Variants in DPP6 observed in about 807,000 individuals in gnomAD.
DPP6 encodes the protein dipeptidyl peptidase like 6.
DPP6 carries 69 observed loss-of-function variants against 122.6 expected under a neutral mutation model. The observed-to-expected ratio is 0.56, with a 90% CI of 0.46 to 0.69. DPP6 has a LOEUF of 0.69. Among genes scored for constraint, DPP6 ranks in the 30% least tolerant of loss-of-function variants. The pLI, the probability that DPP6 is intolerant of heterozygous loss-of-function variation, is 0.00. For synonymous variants in DPP6, 418 were observed against 433.1 expected (o/e 0.97, Z 0.43); for missense variants, 928 against 1,116.9 (o/e 0.83, Z 2.41).
intron 7 of DPP6, 150 bp downstream of exon 7, chr7:154,669,591 C>A: frequency 7.8e-7 from 1 of 1,275,222 alleles, no homozygotes; most frequent in Non-Finnish European, 1.1e-6. Flanking sequence ...GAGAGGTACA[C>A]CAGGGTGTCT....
chr7:153,899,661 T>G (rs1298922081), intron 1 of DPP6, among the ~76,000 whole-genome samples: 1 of 152,230 alleles, frequency 6.6e-6, no homozygotes, highest in Admixed American at 6.5e-5. Flanking sequence ...TAATTTGATC[T>G]CTCACTGCTG....
At chr7:153,820,676 G>A in the DPP6 span, among the ~76,000 whole-genome samples, 1 of 152,096 alleles carries the variant, frequency 6.6e-6, no homozygotes, top group Non-Finnish European at 1.5e-5. Flanking sequence ...TGGAATAGCT[G>A]AAGAGCAGCC....
At chr7:154,537,267 TAAGAC>T (rs1828335777) in intron 3 of DPP6, among the ~76,000 whole-genome samples, 1 of 151,974 alleles carries the variant, frequency 6.6e-6, no homozygotes, top group Non-Finnish European at 1.5e-5. Context: ...TTTTATAAAA[TAAGAC>T]AAGAATAGTA....
At chr7:153,920,646 C>T (rs536032948) in intron 1 of DPP6, among the ~76,000 whole-genome samples, 71 of 145,362 alleles carry the variant, frequency 4.9e-4, no homozygotes, top group African/African-American at 1.4e-3. Context: ...CTGCAACCTC[C>T]GCCTCCTGGG....
intron 3 of DPP6, among the ~76,000 whole-genome samples, chr7:154,502,791 A>G (rs920776472): frequency 2.0e-5 from 3 of 152,194 alleles, no homozygotes; most frequent in Non-Finnish European, 4.4e-5. Flanking sequence ...GTTCGTAGGA[A>G]GGCCAGCCTA....
At chr7:154,471,054 C>G (rs1014997027) in intron 2 of DPP6, among the ~76,000 whole-genome samples, 2 of 152,038 alleles carry the variant, frequency 1.3e-5, no homozygotes, top group African/African-American at 4.8e-5. Flanking sequence ...AGTTCGAGAC[C>G]AGCCTGGCCA....
chr7:154,376,589 T>G (rs751437810), intron 1 of DPP6, among the ~76,000 whole-genome samples: 2 of 152,248 alleles, frequency 1.3e-5, no homozygotes, highest in African/African-American at 2.4e-5. Context: ...GAAACACATT[T>G]GTGTCCTAGA....
chr7:154,300,337 G>T (rs2150978880), intron 1 of DPP6, among the ~76,000 whole-genome samples: 1 of 152,298 alleles, frequency 6.6e-6, no homozygotes, highest in South Asian at 2.1e-4. Context: ...CAAAATGGAG[G>T]TGCTTTCACT....
intron 8 of DPP6, among the ~76,000 whole-genome samples, chr7:154,746,019 T>C (rs188174865): frequency 3.1e-4 from 47 of 152,222 alleles, no homozygotes; most frequent in African/African-American, 1.1e-3. Context: ...AGGGTGTTGA[T>C]TGGTTATGAA....
Position 153,935,520 on chromosome 7 carries a change from G to A in DPP6, c.51+47786G>A, listed in dbSNP as rs181805807. The stretch of plus-strand genomic sequence containing the variant: ...TGGTCTCCCTGCCGTCCGAGGCCCC[G>A]TTGGCCCCTCTCGATTATGATCCAG... On this transcript the variant is annotated intron_variant, in intron 1 of 25. Transcript: ENST00000404039. Among the ~76,000 whole-genome samples the A allele has an allele frequency of 6.6e-3, 1,012 of 152,268 alleles. 6 individuals are homozygous for A. Among genetic ancestry groups the A allele is most frequent in the Non-Finnish European group, 0.011 (778 of 68,014 alleles).
At chr7:154,764,039 C>G (rs1034333525) in intron 8 of DPP6, among the ~76,000 whole-genome samples, 2 of 152,178 alleles carry the variant, frequency 1.3e-5, no homozygotes, top group African/African-American at 4.8e-5. Context: ...TGTGGGCGCT[C>G]TTCACCTCTA....
intron 1 of DPP6, among the ~76,000 whole-genome samples, chr7:154,388,262 G>A (rs774853183): frequency 2.0e-5 from 3 of 152,162 alleles, no homozygotes; most frequent in African/African-American, 4.8e-5. Context: ...ACTCCAGCCT[G>A]GGCAACAGAG....
At chr7:154,103,144 A>C (rs1016389062) in intron 1 of DPP6, among the ~76,000 whole-genome samples, 4 of 152,046 alleles carry the variant, frequency 2.6e-5, no homozygotes, top group African/African-American at 7.2e-5. Flanking sequence ...TGCAAAGGGG[A>C]AGGTTGCCCT....
chr7:154,668,172 G>A (rs568986625), intron 6 of DPP6, among the ~76,000 whole-genome samples: 1 of 70,696 alleles, frequency 1.4e-5, no homozygotes, highest in African/African-American at 3.9e-5. Context: ...AGATGAGTGG[G>A]TGCATTCCCA....
intron 1 of DPP6, among the ~76,000 whole-genome samples, chr7:154,302,317 C>G (rs1232362450): frequency 6.6e-6 from 1 of 152,206 alleles, no homozygotes; most frequent in African/African-American, 2.4e-5. Flanking sequence ...CTCTTGGCAT[C>G]TTTCCTCCAG....
intron 1 of DPP6, among the ~76,000 whole-genome samples, chr7:153,947,492 A>AAG (rs1221814772): frequency 6.6e-6 from 1 of 152,072 alleles, no homozygotes; most frequent in Non-Finnish European, 1.5e-5. Flanking sequence ...GACTGGCAAA[A>AAG]AATAATAATA....
intron 8 of DPP6, among the ~76,000 whole-genome samples, chr7:154,738,838 G>A (rs1353917986): frequency 6.6e-6 from 1 of 152,248 alleles, no homozygotes. Flanking sequence ...AAGGCTAGCA[G>A]GAAGATGTGC....
chr7:153,948,467 A>G (rs139453587), intron 1 of DPP6, among the ~76,000 whole-genome samples: 1 of 152,288 alleles, frequency 6.6e-6, no homozygotes, highest in African/African-American at 2.4e-5. Flanking sequence ...ACCGGTTCCC[A>G]TGGAAGTCAG....
chr7:153,965,949 T>C (rs1006122601), intron 1 of DPP6, among the ~76,000 whole-genome samples: 1 of 151,742 alleles, frequency 6.6e-6, no homozygotes. Flanking sequence ...AACTTGATGA[T>C]GATGAAGTTC....
Sources: allele counts gnomAD v4.1 joint callset (sites outside exome capture counted in the v4.1 genomes callset), GRCh38; gene constraint gnomAD v4.1.1; transcripts MANE v1.5; gene names NCBI Gene and HGNC (gene_info 2026-07-23, HGNC 2026-07-21).